GALNT10: variants seen among roughly 807,000 people sequenced by gnomAD.
GALNT10 encodes GalNAc transferase 10.
Under a neutral mutation model 75.0 loss-of-function variants are expected in GALNT10, and 41 were observed. The observed-to-expected ratio is 0.55, with a 90% CI of 0.43 to 0.71. The LOEUF (loss-of-function observed/expected upper bound fraction) is 0.71. GALNT10 is among the 30% of genes least tolerant of loss of function. The pLI, the probability that GALNT10 is intolerant of heterozygous loss-of-function variation, is 0.00. For missense variants in GALNT10, 727 were observed against 818.5 expected (o/e 0.89, Z 1.36); for synonymous variants, 302 against 313.0 (o/e 0.96, Z 0.37).
intron 3 of GALNT10, among the ~76,000 whole-genome samples, chr5:154,327,572 C>T (rs923364322): frequency 3.3e-5 from 5 of 152,206 alleles, no homozygotes; most frequent in Middle Eastern, 3.2e-3. Flanking sequence ...GATTGAAACA[C>T]ATTAATTATG....
At chr5:154,304,040 T>C (rs1384027543) in intron 3 of GALNT10, among the ~76,000 whole-genome samples, 1 of 152,078 alleles carries the variant, frequency 6.6e-6, no homozygotes, top group African/African-American at 2.4e-5. Context: ...ATATACTGAA[T>C]GGGATTAATG....
intron 1 of GALNT10, among the ~76,000 whole-genome samples, chr5:154,294,579 A>G (rs979269761): frequency 2.0e-5 from 3 of 151,942 alleles, no homozygotes; most frequent in Non-Finnish European, 2.9e-5. Context: ...TTTTTTCTCC[A>G]CCACCGATTT....
At chr5:154,350,391 G>A (rs1412220595) in intron 4 of GALNT10, among the ~76,000 whole-genome samples, 12 of 152,166 alleles carry the variant, frequency 7.9e-5, no homozygotes, top group Non-Finnish European at 1.6e-4. Flanking sequence ...CTGCTAGTGG[G>A]AGTATAAATT....
chr5:154,225,123 T>C (rs1185058829), intron 1 of GALNT10, among the ~76,000 whole-genome samples: 6 of 150,476 alleles, frequency 4.0e-5, no homozygotes, highest in Non-Finnish European at 5.9e-5. Flanking sequence ...GACAGAGTCT[T>C]GCTCTGTCAC....
chr5:154,219,834 TCTCTCA>T (rs754119974), intron 1 of GALNT10, among the ~76,000 whole-genome samples: 1,494 of 129,636 alleles, frequency 0.012, 14 homozygotes, highest in African/African-American at 0.039. Context: ...TCTCTCTCTC[TCTCTCA>T]CACACACACA....
intron 1 of GALNT10, among the ~76,000 whole-genome samples, chr5:154,236,351 T>C (rs773658126): frequency 2.0e-5 from 3 of 152,356 alleles, no homozygotes; most frequent in Non-Finnish European, 4.4e-5. Flanking sequence ...GCTGTCATTG[T>C]TACTGTTAAT....
intron 3 of GALNT10, among the ~76,000 whole-genome samples, chr5:154,314,053 C>T (rs1005120071): frequency 3.3e-5 from 5 of 152,150 alleles, no homozygotes; most frequent in African/African-American, 1.2e-4. Flanking sequence ...TGAACTTACA[C>T]CATTTGCTGG....
intron 4 of GALNT10, chr5:154,337,627 A>C: frequency 1.1e-6 from 1 of 908,904 alleles, no homozygotes; most frequent in Non-Finnish European, 1.8e-6. Flanking sequence ...GAAGACTGAT[A>C]GTTGTAATTG....
chr5:154,248,516 A>G (rs1377975533), intron 1 of GALNT10, among the ~76,000 whole-genome samples: 1 of 152,158 alleles, frequency 6.6e-6, no homozygotes, highest in East Asian at 1.9e-4. Context: ...CAGAGATTCA[A>G]CTTCTTCCTG....
At chr5:154,321,594 G>T (rs994732560) in intron 3 of GALNT10, among the ~76,000 whole-genome samples, 9 of 152,244 alleles carry the variant, frequency 5.9e-5, no homozygotes, top group East Asian at 3.9e-4. Flanking sequence ...AAAGTGTTGC[G>T]ATTACAGGTG....
Position 154,395,666 on chromosome 5 carries a change from C to T in GALNT10, c.1057-8438C>T, listed in dbSNP as rs1458155932. Among the ~76,000 whole-genome samples, 3 of 152,150 alleles carry T rather than the reference C, an allele frequency of 2.0e-5. No homozygotes were observed. The East Asian group carries it at 5.8e-4, about 29-fold the overall frequency. ...TCTGTGAGATCTTGGACTCATCTGCCCTTTCTCCTGAACTTTTATTTCGCC... is the reference window on the plus strand; with the variant it reads ...TCTGTGAGATCTTGGACTCATCTGCTCTTTCTCCTGAACTTTTATTTCGCC... On this transcript the variant is annotated intron_variant, in intron 7 of 11. Transcript: ENST00000297107.
chr5:154,332,498 T>C (rs1305081933), intron 4 of GALNT10, among the ~76,000 whole-genome samples: 1 of 152,190 alleles, frequency 6.6e-6, no homozygotes, highest in East Asian at 1.9e-4. Flanking sequence ...CCATCATCAT[T>C]TAGGCTGCAC....
At chr5:154,341,960 G>A (rs1172991060) in intron 4 of GALNT10, among the ~76,000 whole-genome samples, 1 of 152,114 alleles carries the variant, frequency 6.6e-6, no homozygotes, top group Non-Finnish European at 1.5e-5. Context: ...AAACTAGTCA[G>A]AGTTGATTTT....
intron 1 of GALNT10, among the ~76,000 whole-genome samples, chr5:154,268,233 G>A (rs755435950): frequency 1.5e-4 from 23 of 152,126 alleles, no homozygotes; most frequent in African/African-American, 2.2e-4. Context: ...CACCCATGAC[G>A]TCATTTCAAA....
chr5:154,282,115 C>T (rs557422774), intron 1 of GALNT10, among the ~76,000 whole-genome samples: 7 of 152,134 alleles, frequency 4.6e-5, no homozygotes, highest in Non-Finnish European at 8.8e-5. Flanking sequence ...TTTCTTGCTG[C>T]GATATAAGGT....
intron 1 of GALNT10, among the ~76,000 whole-genome samples, chr5:154,280,363 A>C (rs2113053141): frequency 6.6e-6 from 1 of 152,312 alleles, no homozygotes; most frequent in African/African-American, 2.4e-5. Flanking sequence ...TGACTGTAGT[A>C]AACAATAATT....
chr5:154,285,899 T>C (rs1240922861), intron 1 of GALNT10, among the ~76,000 whole-genome samples: 1 of 152,212 alleles, frequency 6.6e-6, no homozygotes, highest in Admixed American at 6.5e-5. Flanking sequence ...CACACTGCTC[T>C]TCCAGGCCCT....
chr5:154,269,815 G>A (rs552418641), intron 1 of GALNT10, among the ~76,000 whole-genome samples: 2 of 152,338 alleles, frequency 1.3e-5, no homozygotes, highest in African/African-American at 4.8e-5. Flanking sequence ...ACTGGCAGAG[G>A]GTAGGAGGGA....
At chr5:154,283,372 C>T (rs1754069010) in intron 1 of GALNT10, among the ~76,000 whole-genome samples, 1 of 151,130 alleles carries the variant, frequency 6.6e-6, no homozygotes, top group African/African-American at 2.4e-5. Flanking sequence ...TTGCTTGAGC[C>T]CAGGAGGTCA....
Sources: allele counts gnomAD v4.1 joint callset (sites outside exome capture counted in the v4.1 genomes callset), GRCh38; gene constraint gnomAD v4.1.1; transcripts MANE v1.5; gene names NCBI Gene and HGNC (gene_info 2026-07-23, HGNC 2026-07-21).